Variants in GRID2 observed in about 807,000 individuals in gnomAD.
GRID2 encodes the protein glutamate receptor ionotropic, delta-2.
Under a neutral mutation model 114.8 loss-of-function variants are expected in GRID2, and 33 were observed. That is an observed-to-expected ratio of 0.29 (90% confidence interval 0.22 to 0.38). The LOEUF (loss-of-function observed/expected upper bound fraction) is 0.38. GRID2 is among the 10% of genes least tolerant of loss of function. The pLI is 1.00. For synonymous variants in GRID2, 505 were observed against 449.9 expected (o/e 1.12, Z -1.55); for missense variants, 1,184 against 1,257.7 (o/e 0.94, Z 0.89).
At chr4:92,455,763 A>T (rs759090470) in intron 1 of GRID2, among the ~76,000 whole-genome samples, 6 of 152,156 alleles carry the variant, frequency 3.9e-5, no homozygotes, top group Non-Finnish European at 8.8e-5. Context: ...AATACACCTG[A>T]GATGAATTTT....
chr4:93,397,955 C>A lies in GRID2; in HGVS notation c.1347+2247C>A, dbSNP rs1905711. Reference sequence around the variant, plus strand: ...GAATCTATGGAGTTGAGTCTAGATGCAGAACCTGTGGATATGGAGTGTTAA... The same window carrying A: ...GAATCTATGGAGTTGAGTCTAGATGAAGAACCTGTGGATATGGAGTGTTAA... On this transcript the variant is annotated intron_variant, in intron 9 of 15. Transcript: ENST00000282020. Among the ~76,000 whole-genome samples the A allele has an allele frequency of 4.9e-3, 740 of 151,444 alleles. 5 individuals are homozygous for A. The highest frequency in any genetic ancestry group is 0.015 in the African/African-American group (628 of 41,204).
At chr4:92,614,196 A>G (rs1046180344) in intron 2 of GRID2, among the ~76,000 whole-genome samples, 5 of 151,548 alleles carry the variant, frequency 3.3e-5, no homozygotes, top group African/African-American at 2.4e-5. Context: ...TCCTCTCTAC[A>G]CGTTCCAGCT....
chr4:93,204,394 A>G (rs1049304978), intron 4 of GRID2, among the ~76,000 whole-genome samples: 6 of 152,170 alleles, frequency 3.9e-5, no homozygotes, highest in Non-Finnish European at 8.8e-5. Context: ...TCAATTTAGA[A>G]CATGAAGATA....
intron 2 of GRID2, among the ~76,000 whole-genome samples, chr4:92,803,999 G>A (rs1188138136): frequency 1.3e-5 from 2 of 151,632 alleles, no homozygotes; most frequent in African/African-American, 4.8e-5. Context: ...CTTCAGTCTG[G>A]GCTTCACAGA....
At chr4:93,108,796 A>G (rs1579011331) in intron 3 of GRID2, among the ~76,000 whole-genome samples, 1 of 151,584 alleles carries the variant, frequency 6.6e-6, no homozygotes, top group African/African-American at 2.4e-5. Context: ...ACGCCTGACT[A>G]ATTTTCGTAT....
chr4:93,091,763 A>T (rs1189039874), intron 3 of GRID2, among the ~76,000 whole-genome samples: 1 of 152,170 alleles, frequency 6.6e-6, no homozygotes, highest in African/African-American at 2.4e-5. Flanking sequence ...GTGTCCTCAC[A>T]AAGTGCTCAT....
intron 2 of GRID2, among the ~76,000 whole-genome samples, chr4:92,944,745 C>G (rs991284821): frequency 1.7e-4 from 26 of 152,182 alleles, no homozygotes; most frequent in Admixed American, 4.6e-4. Flanking sequence ...TCTACATAAA[C>G]TCGTGTACTA....
intron 13 of GRID2, among the ~76,000 whole-genome samples, chr4:93,579,063 AT>A (rs916011091): frequency 1.3e-5 from 2 of 151,680 alleles, no homozygotes. Context: ...TTTTTTTTTT[AT>A]TCTTGACAGT....
chr4:93,524,007 A>G (rs1730593323), intron 13 of GRID2, among the ~76,000 whole-genome samples: 1 of 152,048 alleles, frequency 6.6e-6, no homozygotes, highest in Non-Finnish European at 1.5e-5. Context: ...TTTGTCATTG[A>G]GTAAAAATGC....
intron 1 of GRID2, among the ~76,000 whole-genome samples, chr4:92,493,742 A>G (rs1723257939): frequency 6.6e-6 from 1 of 152,198 alleles, no homozygotes; most frequent in African/African-American, 2.4e-5. Context: ...AGACTTTTCT[A>G]GCTATCTAAT....
At chr4:93,479,193 C>A (rs1413016124) in intron 11 of GRID2, among the ~76,000 whole-genome samples, 4 of 151,912 alleles carry the variant, frequency 2.6e-5, no homozygotes, top group Non-Finnish European at 4.4e-5. Context: ...AATATACATA[C>A]CTTCATTTTA....
At chr4:93,284,846 T>A (rs1752983015) in intron 8 of GRID2, among the ~76,000 whole-genome samples, 1 of 152,020 alleles carries the variant, frequency 6.6e-6, no homozygotes, top group African/African-American at 2.4e-5. Context: ...CGAGACTTGG[T>A]TCCTTCAAAA....
At chr4:93,441,395 A>G (rs1007089268) in intron 10 of GRID2, among the ~76,000 whole-genome samples, 2 of 152,082 alleles carry the variant, frequency 1.3e-5, no homozygotes, top group Non-Finnish European at 2.9e-5. Context: ...AATTATAAAC[A>G]TAGAGAAATA....
intron 1 of GRID2, among the ~76,000 whole-genome samples, chr4:92,502,475 A>G (rs796401776): frequency 6.6e-6 from 1 of 152,010 alleles, no homozygotes; most frequent in Non-Finnish European, 1.5e-5. Context: ...GTTTGATTAA[A>G]TATAACATAA....
intron 14 of GRID2, among the ~76,000 whole-genome samples, chr4:93,745,180 C>T (rs1731737218): frequency 6.6e-6 from 1 of 152,052 alleles, no homozygotes; most frequent in East Asian, 1.9e-4. Context: ...GTCATCATCA[C>T]CATTTTTTTC....
intron 13 of GRID2, among the ~76,000 whole-genome samples, chr4:93,583,918 A>G (rs1737259306): frequency 6.6e-6 from 1 of 152,198 alleles, no homozygotes; most frequent in Non-Finnish European, 1.5e-5. Flanking sequence ...AAAAAAGAGA[A>G]AACAAACCAA....
intron 4 of GRID2, among the ~76,000 whole-genome samples, chr4:93,183,180 C>G (rs1347848673): frequency 6.6e-6 from 1 of 152,002 alleles, no homozygotes; most frequent in Non-Finnish European, 1.5e-5. Context: ...TCTCAATTTT[C>G]ACTGATTTCC....
intron 2 of GRID2, among the ~76,000 whole-genome samples, chr4:92,886,871 C>A (rs1181229066): frequency 1.3e-5 from 2 of 152,088 alleles, no homozygotes; most frequent in Admixed American, 6.5e-5. Context: ...GTGATCCACC[C>A]GCCTCGGCCT....
At chr4:92,832,125 TA>T (rs934124638) in intron 2 of GRID2, among the ~76,000 whole-genome samples, 13 of 150,308 alleles carry the variant, frequency 8.6e-5, no homozygotes, top group African/African-American at 2.2e-4. Flanking sequence ...CTTATGAAAA[TA>T]AAAAAAAGGA....
Sources: gnomAD v4.1 joint callset for allele counts (sites outside exome capture counted in the v4.1 genomes callset) on GRCh38, gnomAD v4.1.1 for gene constraint, MANE v1.5 for transcripts, NCBI Gene and HGNC (gene_info 2026-07-23, HGNC 2026-07-21) for gene names.